CLMP: variants seen among roughly 807,000 people sequenced by gnomAD.
The protein encoded by CLMP is CXADR-like membrane protein.
In CLMP, 27 loss-of-function variants were observed where a neutral mutation model predicts 45.2. The ratio of observed to expected loss-of-function variants is 0.60; its 90% CI spans 0.44 to 0.82. The LOEUF is 0.82. CLMP is among the 40% of genes least tolerant of loss of function. The probability of loss-of-function intolerance (pLI) is 0.00; values close to 1 mark genes in which losing one functional copy is unlikely to be tolerated. For missense variants in CLMP, 403 were observed against 448.4 expected, an observed-to-expected ratio of 0.90 and a Z score of 0.91; for synonymous variants, 167 against 171.4, an observed-to-expected ratio of 0.97 and a Z score of 0.20.
In CLMP at chr11:123,126,180, T is replaced by C. The variant is rs377185896; in HGVS notation, c.29-28228A>G. Among the ~76,000 whole-genome samples the C allele has an allele frequency of 4.6e-5, 7 of 152,346 alleles. No individual in the cohort carries two copies. In the East Asian group the frequency reaches 1.2e-3, roughly 25 times the overall value. On this transcript the variant is annotated intron_variant, in intron 1 of 6. Transcript: ENST00000448775. ...CTGTAGACACTTCTGTAATAGATCT[T>C]ACATTTTGTCATGCCTATATAGTGT...
chr11:123,136,438 T>C (rs1278801627), intron 1 of CLMP: 29 of 364,234 alleles, frequency 8.0e-5, no homozygotes, highest in African/African-American at 1.4e-4. Flanking sequence ...GCCCTCCTTG[T>C]CCCCCCCCAC....
chr11:123,141,088 C>T (rs555296230), intron 1 of CLMP, among the ~76,000 whole-genome samples: 12 of 152,018 alleles, frequency 7.9e-5, no homozygotes, highest in African/African-American at 2.7e-4. Context: ...GAAGCAGATG[C>T]CTAGCACTGT....
intron 5 of CLMP, among the ~76,000 whole-genome samples, chr11:123,077,610 G>C (rs1228178458): frequency 6.6e-6 from 1 of 152,182 alleles, no homozygotes; most frequent in Admixed American, 6.5e-5. Context: ...ACAGGTGTGA[G>C]CCACATGCCC....
chr11:123,143,678 G>A (rs920966245), intron 1 of CLMP, among the ~76,000 whole-genome samples: 5 of 152,220 alleles, frequency 3.3e-5, no homozygotes, highest in African/African-American at 1.2e-4. Context: ...AGATTAAGCT[G>A]CCTGATCTTA....
chr11:123,149,367 A>G (rs759306985), intron 1 of CLMP, among the ~76,000 whole-genome samples: 7 of 152,218 alleles, frequency 4.6e-5, no homozygotes, highest in African/African-American at 9.6e-5. Flanking sequence ...CAGCCCTGGG[A>G]AACTGATACA....
At chr11:123,169,063 A>G (rs1415020166) in intron 1 of CLMP, among the ~76,000 whole-genome samples, 4 of 152,172 alleles carry the variant, frequency 2.6e-5, no homozygotes, top group Non-Finnish European at 5.9e-5. Flanking sequence ...CCAAGTGTCT[A>G]TTTTTGCACT....
chr11:123,122,751 G>A (rs145982091), intron 1 of CLMP, among the ~76,000 whole-genome samples: 74 of 152,254 alleles, frequency 4.9e-4, no homozygotes, highest in African/African-American at 1.7e-3. Context: ...AAGAGAAAAC[G>A]TGTGTGGGAT....
chr11:123,111,983 C>G (rs114192908), intron 1 of CLMP, among the ~76,000 whole-genome samples: 2,710 of 152,116 alleles, frequency 0.018, 82 homozygotes, highest in African/African-American at 0.061. Flanking sequence ...AACTCTGGGT[C>G]TCAAGTGATG....
intron 1 of CLMP, among the ~76,000 whole-genome samples, chr11:123,164,454 C>A (rs769956168): frequency 2.0e-5 from 3 of 152,142 alleles, no homozygotes; most frequent in Non-Finnish European, 4.4e-5. Context: ...CAGGCACGTG[C>A]CACCACGCCT....
At chr11:123,074,644 A>G (rs1235980687) in intron 6 of CLMP, 58 bp downstream of exon 6, 2 of 1,518,120 alleles carry the variant, frequency 1.3e-6, no homozygotes, top group Non-Finnish European at 1.8e-6. Flanking sequence ...TTGGCTGGTC[A>G]CTATAGTGCT....
At chr11:123,186,434 T>TAGA (rs1861835323) in intron 1 of CLMP, among the ~76,000 whole-genome samples, 1 of 151,872 alleles carries the variant, frequency 6.6e-6, no homozygotes, top group South Asian at 2.1e-4. Context: ...CCAAGCAGCG[T>TAGA]AGAAGGGCAC....
At chr11:123,136,144 A>G (rs1184268727) in intron 1 of CLMP, 2 of 627,322 alleles carry the variant, frequency 3.2e-6, no homozygotes, top group African/African-American at 3.7e-5. Context: ...CAAGAAAGTC[A>G]CCACCTACTG....
At chr11:123,180,868 C>T (rs1861759387) in intron 1 of CLMP, among the ~76,000 whole-genome samples, 1 of 152,122 alleles carries the variant, frequency 6.6e-6, no homozygotes, top group Admixed American at 6.5e-5. Context: ...AGGGCAGAGG[C>T]TTGGGCAGAG....
intron 1 of CLMP, among the ~76,000 whole-genome samples, chr11:123,186,695 A>G (rs2135551326): frequency 6.6e-6 from 1 of 152,038 alleles, no homozygotes; most frequent in East Asian, 1.9e-4. Context: ...GCTCATTTTT[A>G]TATTTTTAGT....
At chr11:123,091,648 G>A (rs1028999273) in intron 2 of CLMP, among the ~76,000 whole-genome samples, 1 of 152,106 alleles carries the variant, frequency 6.6e-6, no homozygotes, top group Non-Finnish European at 1.5e-5. Context: ...TTTGATGTCT[G>A]GGCACCGATT....
At chr11:123,099,776 G>A (rs74394148) in intron 1 of CLMP, among the ~76,000 whole-genome samples, 2,027 of 152,216 alleles carry the variant, frequency 0.013, 20 homozygotes, top group Non-Finnish European at 0.021. Context: ...CAAATTATGC[G>A]GGAAAAGTGA....
chr11:123,147,169 G>A (rs1861250566), intron 1 of CLMP, among the ~76,000 whole-genome samples: 1 of 151,942 alleles, frequency 6.6e-6, no homozygotes, highest in Non-Finnish European at 1.5e-5. Context: ...ATTTAGTACG[G>A]TAGAAAGACC....
intron 1 of CLMP, among the ~76,000 whole-genome samples, chr11:123,123,075 T>G (rs540440322): frequency 1.3e-5 from 2 of 152,114 alleles, no homozygotes; most frequent in South Asian, 4.2e-4. Flanking sequence ...GGAAAAATAT[T>G]TGTTTAAATC....
intron 1 of CLMP, among the ~76,000 whole-genome samples, chr11:123,162,798 G>T (rs956660617): frequency 6.6e-6 from 1 of 151,760 alleles, no homozygotes; most frequent in African/African-American, 2.4e-5. Context: ...GCTGCTTGGG[G>T]GGCTGAGGCA....
Sources: allele counts gnomAD v4.1 joint callset (sites outside exome capture counted in the v4.1 genomes callset), GRCh38; gene constraint gnomAD v4.1.1; transcripts MANE v1.5; gene names NCBI Gene and HGNC (gene_info 2026-07-23, HGNC 2026-07-21).